The following FAM114A2 variants were observed in gnomAD, a reference collection of about 807,000 sequenced individuals.
FAM114A2 encodes the protein protein FAM114A2.
Under a neutral mutation model 58.4 loss-of-function variants are expected in FAM114A2, and 53 were observed. The observed-to-expected ratio is 0.91, with a 90% CI of 0.73 to 1.14. FAM114A2 has a LOEUF of 1.14. Ranked by LOEUF, FAM114A2 falls within the 50% of genes most tolerant of loss-of-function variation. The pLI, the probability that FAM114A2 is intolerant of heterozygous loss-of-function variation, is 0.00. For missense variants in FAM114A2, 601 were observed against 581.1 expected, an observed-to-expected ratio of 1.03 and a Z score of -0.35; for synonymous variants, 228 against 211.4, an observed-to-expected ratio of 1.08 and a Z score of -0.68.
intron 11 of FAM114A2, among the ~76,000 whole-genome samples, chr5:153,999,610 G>A (rs1224509640): frequency 6.7e-6 from 1 of 149,846 alleles, no homozygotes; most frequent in Non-Finnish European, 1.5e-5. Flanking sequence ...TCCAGCCTGA[G>A]TGACACAGCA....
rs546557317 is a variant in FAM114A2 at position 153,993,122 on chromosome 5, G to A, written c.1384-12C>T. On this transcript the variant is annotated splice_polypyrimidine_tract_variant and intron_variant, in intron 13 of 13. Coordinates refer to ENST00000351797, the MANE Select transcript of FAM114A2 (RefSeq NM_018691.4). ...GCACTGTTTGATGCCTGCCAGGATT[G>A]AAAAAACAAGAAAAAGAAAATATTA... is the stretch of plus-strand genomic sequence containing the variant. The A allele has an allele frequency of 5.7e-5, 91 of 1,586,108 alleles. No homozygotes were observed. In the East Asian group the frequency reaches 1.4e-3, roughly 24 times the overall value.
chr5:154,017,785 A>G (rs1313229730), intron 8 of FAM114A2, among the ~76,000 whole-genome samples: 2 of 152,206 alleles, frequency 1.3e-5, no homozygotes, highest in African/African-American at 4.8e-5. Context: ...AACTCTTCAA[A>G]ACCATGCAAA....
At chr5:154,026,086 G>C (rs1210642553) in intron 8 of FAM114A2, among the ~76,000 whole-genome samples, 1 of 152,162 alleles carries the variant, frequency 6.6e-6, no homozygotes, top group Admixed American at 6.6e-5. Context: ...ACTGAGGCAA[G>C]AATCTGATGA....
chr5:153,994,420 C>A (rs1158227064), intron 13 of FAM114A2, among the ~76,000 whole-genome samples: 1 of 152,114 alleles, frequency 6.6e-6, no homozygotes, highest in Non-Finnish European at 1.5e-5. Flanking sequence ...TCCTCTTTTC[C>A]ATTGACTTAA....
chr5:153,995,005 A>G (rs773961855), intron 12 of FAM114A2, 33 bp from the exon 13 acceptor site: 7 of 1,472,236 alleles, frequency 4.8e-6, no homozygotes, highest in Non-Finnish European at 6.7e-6. Context: ...AAGTGAGCAG[A>G]GTAGGTTAAA....
At position 154,032,903 on chromosome 5, in the gene FAM114A2, CACATGCTGTT is replaced by C. The variant is rs571589903; in HGVS notation, c.403+878_403+887del. ...AGAAAAATATATTGACTTTCATTCACACATGCTGTTACTTGCAGCTAAAATAGTTTAACTG... is the reference window on the plus strand; with the variant it reads ...AGAAAAATATATTGACTTTCATTCACACTTGCAGCTAAAATAGTTTAACTG... On this transcript the variant is annotated intron_variant, in intron 4 of 13. Transcript: ENST00000351797. Among the ~76,000 whole-genome samples, 28 of 152,314 alleles carry C rather than the reference CACATGCTGTT, an allele frequency of 1.8e-4. No homozygotes were observed. In the East Asian group the frequency reaches 4.8e-3, roughly 26 times the overall value.
chr5:154,034,915 A>T lies in FAM114A2; in HGVS notation c.39T>A (p.Thr13=), dbSNP rs1253952577. The T allele has an allele frequency of 6.2e-7, 1 of 1,614,058 alleles. No homozygotes were observed. Among genetic ancestry groups the T allele is most frequent in the East Asian group, 2.2e-5 (1 of 44,880 alleles). Residue 13 remains threonine, a synonymous_variant, in exon 2 of 14, where the codon ACT becomes ACA. Transcript: ENST00000351797. ...CATCTTCAAGGATGGGGGCTGCTTC[A>T]GTTAGCAGTGGAGTCTCAATATCAT... ...DKDDIETPLL[T]EAAPILEDGN... is the part of the protein sequence containing the mutation.
intron 4 of FAM114A2, among the ~76,000 whole-genome samples, chr5:154,031,627 A>G (rs996492848): frequency 6.6e-6 from 1 of 152,206 alleles, no homozygotes; most frequent in African/African-American, 2.4e-5. Flanking sequence ...TTATTAAACT[A>G]AAACTTAACT....
chr5:154,011,347 A>G, intron 8 of FAM114A2, 27 bp from the exon 9 acceptor site: 1 of 1,532,884 alleles, frequency 6.5e-7, no homozygotes, highest in South Asian at 1.1e-5. Flanking sequence ...CATATAAAAC[A>G]CTCCAGAAAG....
At chr5:154,013,808 A>G (rs1241297652) in intron 8 of FAM114A2, among the ~76,000 whole-genome samples, 1 of 152,228 alleles carries the variant, frequency 6.6e-6, no homozygotes, top group Non-Finnish European at 1.5e-5. Context: ...TTTCCTGCTA[A>G]GACTTTTAAA....
chr5:154,029,942 C>T (rs575790048), intron 4 of FAM114A2, among the ~76,000 whole-genome samples: 3 of 152,090 alleles, frequency 2.0e-5, no homozygotes, highest in South Asian at 2.1e-4. Flanking sequence ...TACAAAAGGA[C>T]GTGAGAGAAC....
rs769595669 is a variant in FAM114A2 at position 154,028,193 on chromosome 5, T to G, written c.586A>C (p.Lys196Gln). The change falls in exon 6 of 14, where the codon AAA becomes CAA. Residue 196 changes from lysine to glutamine, a missense_variant. Physicochemically the swap from Lys to Gln is moderately conservative, Grantham distance 53. Transcript: ENST00000351797. ...CGGTTCATCAGACCCTTGGTTCTTTTAAATCCAGGATCCCCTTCTGCTATC... is the reference window on the plus strand; with the variant it reads ...CGGTTCATCAGACCCTTGGTTCTTTGAAATCCAGGATCCCCTTCTGCTATC... Reference protein sequence around the residue: ...DVIAEGDPGFKRTKGLMNRNA... With the variant: ...DVIAEGDPGFQRTKGLMNRNA... 2.5e-6 allele frequency: 4 copies of G among 1,612,742 alleles called. No homozygotes were observed. In the Admixed American group the frequency reaches 6.7e-5, roughly 27 times the overall value.
intron 8 of FAM114A2, among the ~76,000 whole-genome samples, chr5:154,024,972 T>C (rs1054227542): frequency 1.3e-5 from 2 of 152,236 alleles, no homozygotes; most frequent in Non-Finnish European, 2.9e-5. Flanking sequence ...CTTAAATTTT[T>C]ATCATGACTC....
rs1771920828 is a variant in FAM114A2, at chr5:154,028,142, T to C, written c.630+7A>G. The C allele has an allele frequency of 6.2e-7, 1 of 1,603,930 alleles. No homozygotes were observed. Among genetic ancestry groups the C allele is most frequent in the Non-Finnish European group, 8.5e-7 (1 of 1,175,082 alleles). On this transcript the variant is annotated splice_region_variant and intron_variant, in intron 6 of 13. Transcript: ENST00000351797. ...ACAGGAAGTAAACAGGTAAGGATAA[T>C]CAGTACCTGAGATAGTGTAGCATTT... is the stretch of plus-strand genomic sequence containing the variant.
intron 8 of FAM114A2, among the ~76,000 whole-genome samples, chr5:154,023,154 G>A (rs1190887442): frequency 2.0e-5 from 3 of 152,138 alleles, no homozygotes; most frequent in African/African-American, 7.2e-5. Context: ...GGGGATGGGG[G>A]AGGGATAGCA....
intron 11 of FAM114A2, 99 bp downstream of exon 11, chr5:154,002,152 G>T: frequency 8.9e-7 from 1 of 1,126,362 alleles, no homozygotes; most frequent in Non-Finnish European, 1.3e-6. Context: ...TGGGTGTGAC[G>T]TGAATGGTTT....
intron 4 of FAM114A2, among the ~76,000 whole-genome samples, chr5:154,031,462 C>T (rs1045726532): frequency 1.3e-5 from 2 of 152,018 alleles, no homozygotes; most frequent in African/African-American, 4.8e-5. Context: ...ATGGCCTATG[C>T]TTATCTCAAA....
At chr5:154,036,668 G>GA (rs61200952) in intron 1 of FAM114A2, 4,280 of 151,494 alleles carry the variant, frequency 0.028, 140 homozygotes, top group African/African-American at 0.075. Context: ...ACAAAATGCT[G>GA]AAAAAAAACA....
chr5:154,026,593 G>C, intron 7 of FAM114A2, 71 bp from the exon 8 acceptor site: 1 of 1,102,158 alleles, frequency 9.1e-7, no homozygotes, highest in Non-Finnish European at 1.2e-6. Context: ...ATAGGGAAGA[G>C]ACTATAAAAA....
Sources: gnomAD v4.1 joint callset for allele counts (sites outside exome capture counted in the v4.1 genomes callset) on GRCh38, gnomAD v4.1.1 for gene constraint, MANE v1.5 for transcripts, NCBI Gene and HGNC (gene_info 2026-07-23, HGNC 2026-07-21) for gene names.